The following FBXO15 variants were observed in gnomAD, a reference collection of about 807,000 sequenced individuals.
FBXO15 encodes the protein F-box only protein 15.
Under a neutral mutation model 49.5 loss-of-function variants are expected in FBXO15, and 30 were observed. The ratio of observed to expected loss-of-function variants is 0.61; its 90% CI spans 0.45 to 0.82. FBXO15 has a LOEUF of 0.82. Ranked by LOEUF, FBXO15 falls within the 40% of genes least tolerant of loss-of-function variation. FBXO15 has a pLI of 0.00. For missense variants in FBXO15, 591 were observed against 631.5 expected, an observed-to-expected ratio of 0.94 and a Z score of 0.69; for synonymous variants, 250 against 232.7, an observed-to-expected ratio of 1.07 and a Z score of -0.68.
At chr18:74,082,126 C>CT in intron 8 of FBXO15, 75 bp from the exon 9 acceptor site, 1 of 1,507,424 alleles carries the variant, frequency 6.6e-7, no homozygotes, top group South Asian at 1.2e-5. Flanking sequence ...CAGTCGGCGA[C>CT]TTTATAAGGA....
intron 3 of FBXO15, 127 bp from the exon 4 acceptor site, chr18:74,130,785 C>G: frequency 9.7e-7 from 1 of 1,035,304 alleles, no homozygotes; most frequent in Non-Finnish European, 1.4e-6. Context: ...TGAATATTTA[C>G]AGTTGAACGT....
At chr18:74,124,673 C>T (rs930092395) in intron 6 of FBXO15, 102 bp from the exon 7 acceptor site, 21 of 937,134 alleles carry the variant, frequency 2.2e-5, no homozygotes, top group Non-Finnish European at 3.3e-5. Flanking sequence ...CAGATAGAGG[C>T]ACTTTCTTAC....
At chr18:74,087,471 A>G (rs894522786) in intron 8 of FBXO15, among the ~76,000 whole-genome samples, 2 of 152,182 alleles carry the variant, frequency 1.3e-5, no homozygotes, top group African/African-American at 4.8e-5. Context: ...GCTTTCACTT[A>G]TAAGTAAGAA....
chr18:74,132,239 T>C (rs985875835), intron 3 of FBXO15, among the ~76,000 whole-genome samples: 1 of 152,276 alleles, frequency 6.6e-6, no homozygotes, highest in Non-Finnish European at 1.5e-5. Flanking sequence ...ATAGACACTT[T>C]TAAAACTCCC....
intron 9 of FBXO15, among the ~76,000 whole-genome samples, chr18:74,079,137 A>G (rs1422029808): frequency 2.6e-5 from 4 of 152,256 alleles, no homozygotes; most frequent in Non-Finnish European, 5.9e-5. Flanking sequence ...CATTAAAATA[A>G]CATCAAAAAT....
intron 8 of FBXO15, among the ~76,000 whole-genome samples, chr18:74,101,301 A>C (rs1266806402): frequency 6.6e-6 from 1 of 152,202 alleles, no homozygotes; most frequent in Admixed American, 6.5e-5. Context: ...AATTACAAAC[A>C]AAAATCACAT....
At chr18:74,105,863 C>A (rs1172917496) in intron 8 of FBXO15, among the ~76,000 whole-genome samples, 1 of 151,950 alleles carries the variant, frequency 6.6e-6, no homozygotes, top group Admixed American at 6.6e-5. Flanking sequence ...TATATCCATT[C>A]CAAATTAATA....
chr18:74,129,688 T>A, intron 4 of FBXO15, 74 bp from the exon 5 acceptor site: 3 of 1,258,020 alleles, frequency 2.4e-6, no homozygotes, highest in Non-Finnish European at 3.3e-6. Flanking sequence ...ATTTCATGTA[T>A]CTTCTCTAAA....
chr18:74,135,762 T>C lies in FBXO15; in HGVS notation c.332A>G (p.Asn111Ser). Residue 111 changes from asparagine (N) to serine (S), a missense_variant and splice_region_variant, in exon 3 of 10, where the codon AAT (asparagine) becomes AGT (serine). By Grantham distance (46) the Asn-to-Ser change is conservative. Transcript: ENST00000419743. ...AACAGAGACTTGGATTTCTGCTTAC[T>C]TGTCATTGGCTAGATGATAAAAGCG... ...SRRFYHLAND[N>S]FIWIGIYSTA... is the part of the protein sequence containing the mutation. 1 of 1,596,914 alleles carries C rather than the reference T, an allele frequency of 6.3e-7. No homozygotes were observed. The highest frequency in any genetic ancestry group is 1.2e-5 in the South Asian group (1 of 86,134).
rs770719967 is a variant in FBXO15, at chr18:74,130,589, T to C, written c.402A>G (p.Val134=). The part of the protein sequence containing the change: ...PARSNWKFNS[V]EKIAMSMSFL... ...AGCTCATAGACATAGCTATCTTCTC[T>C]ACTGAATTAAATTTCCAATTTGATC... Residue 134 remains valine (V), a synonymous_variant, in exon 4 of 10, where the codon GTA becomes GTG. Transcript: ENST00000419743. 1 of 1,614,158 alleles carries C rather than the reference T, an allele frequency of 6.2e-7. No individual in the cohort carries two copies. Among genetic ancestry groups the C allele is most frequent in the East Asian group, 2.2e-5 (1 of 44,878 alleles).
At chr18:74,129,181 T>C (rs978781207) in intron 5 of FBXO15, among the ~76,000 whole-genome samples, 2 of 152,208 alleles carry the variant, frequency 1.3e-5, no homozygotes, top group Non-Finnish European at 2.9e-5. Flanking sequence ...AACATCATTC[T>C]TTACCATTAA....
At position 74,130,736 on chromosome 18, in the gene FBXO15, C is replaced by T. The variant is rs149502166; in HGVS notation, c.333-78G>A. ...GTCATAATATATCAAATTAGAGATG[C>T]ATATTTTCAAATAATCCAATTCCAT... On this transcript the variant is annotated intron_variant, in intron 3 of 9. Coordinates refer to ENST00000419743, the MANE Select transcript of FBXO15 (RefSeq NM_001142958.2). 5.1e-4 allele frequency: 734 copies of T among 1,427,252 alleles called. 5 individuals are homozygous for T. The African/African-American group carries it at 6.8e-3, about 13-fold the overall frequency. 88.4% of individuals were successfully genotyped at this position (1,427,252 alleles called of 1,614,324 possible). A position where few individuals can be genotyped will look rare whatever the true frequency, so the allele number is the denominator to read the frequency against.
At chr18:74,122,144 T>C (rs973556162) in intron 8 of FBXO15, among the ~76,000 whole-genome samples, 3 of 152,080 alleles carry the variant, frequency 2.0e-5, no homozygotes, top group Admixed American at 6.6e-5. Context: ...TCCCTTTCCT[T>C]CCACCGATCA....
intron 8 of FBXO15, among the ~76,000 whole-genome samples, chr18:74,105,883 T>C (rs1264133945): frequency 6.6e-6 from 1 of 152,196 alleles, no homozygotes; most frequent in Non-Finnish European, 1.5e-5. Context: ...ACAGATTTAA[T>C]ATGAATCTGC....
intron 8 of FBXO15, among the ~76,000 whole-genome samples, chr18:74,096,688 T>A (rs1398913938): frequency 1.3e-5 from 2 of 148,794 alleles, no homozygotes; most frequent in Non-Finnish European, 3.0e-5. Flanking sequence ...CAAAAAACAG[T>A]AACTGACCCT....
rs376179622 is a variant in FBXO15, at chr18:74,104,591, T to C, written c.1138+18777A>G. On this transcript the variant is annotated intron_variant, in intron 8 of 9. Transcript: ENST00000419743. ...GAAATGAAAGGGTTAAAAAAAGATA[T>C]TCCATACAACTGCAAACCAAAAAAG... Among the ~76,000 whole-genome samples, 12 of 152,204 alleles carry C rather than the reference T, an allele frequency of 7.9e-5. No homozygotes were observed. The East Asian group carries it at 1.4e-3, about 17-fold the overall frequency.
At position 74,140,529 on chromosome 18, in the gene FBXO15, A is replaced by AGGAAGGAAGAAAG. The variant is rs1340171257; in HGVS notation, c.117-218_117-217insCTTTCTTCCTTCC. Among the ~76,000 whole-genome samples the AGGAAGGAAGAAAG allele has an allele frequency of 2.6e-5, 4 of 151,694 alleles. 1 individual carries two copies. The highest frequency in any genetic ancestry group is 9.7e-5 in the African/African-American group (4 of 41,154). On this transcript the variant is annotated intron_variant, in intron 1 of 9. Transcript: ENST00000419743. ...AAGAGACAGTGAAACCTTGATGGTA[A>AGGAAGGAAGAAAG]GCAAGGAAGAAAGGCAGGGAGAAGG...
intron 5 of FBXO15, among the ~76,000 whole-genome samples, chr18:74,129,142 T>A (rs1416834609): frequency 6.6e-6 from 1 of 152,202 alleles, no homozygotes; most frequent in Non-Finnish European, 1.5e-5. Flanking sequence ...AGGTTAGCCA[T>A]CAATCATCCA....
chr18:74,100,023 A>G (rs1289956806), intron 8 of FBXO15: 1 of 152,228 alleles, frequency 6.6e-6, no homozygotes, highest in African/African-American at 2.4e-5. Context: ...CAGAAAGTCA[A>G]CAAAGAAACA....
Sources: gnomAD v4.1 joint callset for allele counts (sites outside exome capture counted in the v4.1 genomes callset) on GRCh38, gnomAD v4.1.1 for gene constraint, MANE v1.5 for transcripts, NCBI Gene and HGNC (gene_info 2026-07-23, HGNC 2026-07-21) for gene names.